TRDN: variants seen among roughly 807,000 people sequenced by gnomAD.
TRDN encodes the protein triadin in skeletal muscle.
TRDN carries 161 observed loss-of-function variants against 149.7 expected under a neutral mutation model. That is an observed-to-expected ratio of 1.08 (90% confidence interval 0.95 to 1.23). The LOEUF (loss-of-function observed/expected upper bound fraction) is 1.23, where lower values mean the gene tolerates loss of function less well. TRDN is among the 50% of genes most tolerant of loss of function. TRDN has a pLI of 0.00. For missense variants in TRDN, 896 were observed against 823.5 expected (o/e 1.09, Z -1.08); for synonymous variants, 294 against 250.5 (o/e 1.17, Z -1.64).
At chr6:123,463,946 C>G (rs1443063480) in intron 10 of TRDN, among the ~76,000 whole-genome samples, 1 of 152,102 alleles carries the variant, frequency 6.6e-6, no homozygotes. Flanking sequence ...AGATCTTGAA[C>G]AAGCAGGCTG....
At chr6:123,587,741 G>T (rs1407940061) in intron 1 of TRDN, among the ~76,000 whole-genome samples, 1 of 151,204 alleles carries the variant, frequency 6.6e-6, no homozygotes, top group Non-Finnish European at 1.5e-5. Flanking sequence ...CTGTTTTATA[G>T]GATTTGGGTA....
At chr6:123,541,801 C>G (rs760471254) in intron 4 of TRDN, among the ~76,000 whole-genome samples, 1 of 151,916 alleles carries the variant, frequency 6.6e-6, no homozygotes, top group East Asian at 1.9e-4. Flanking sequence ...TTTCATGCAC[C>G]GTATTTTTCA....
At chr6:123,411,863 T>A (rs12190077) in intron 12 of TRDN, 57,104 of 151,972 alleles carry the variant, frequency 0.38, 11,205 homozygotes, top group Middle Eastern at 0.48. Flanking sequence ...ACCAAGTAAG[T>A]AAGAGCAGAA....
intron 12 of TRDN, among the ~76,000 whole-genome samples, 162 bp downstream of exon 12, chr6:123,437,901 C>T (rs568803860): frequency 6.6e-5 from 10 of 152,216 alleles, no homozygotes; most frequent in African/African-American, 2.4e-4. Context: ...ATAAAGTCTT[C>T]TTTGCCTGTT....
At chr6:123,517,384 G>A (rs1232468543) in intron 5 of TRDN, among the ~76,000 whole-genome samples, 1 of 151,962 alleles carries the variant, frequency 6.6e-6, no homozygotes, top group Non-Finnish European at 1.5e-5. Flanking sequence ...CTTCTCTTTT[G>A]AACCTTTAGA....
chr6:123,522,779 A>C (rs1478206883), intron 5 of TRDN, among the ~76,000 whole-genome samples: 2 of 152,166 alleles, frequency 1.3e-5, no homozygotes, highest in Non-Finnish European at 2.9e-5. Flanking sequence ...AACAAAACAG[A>C]AGAATACTTC....
At chr6:123,230,977 T>C (rs924052177) in intron 38 of TRDN, among the ~76,000 whole-genome samples, 7 of 152,006 alleles carry the variant, frequency 4.6e-5, no homozygotes, top group South Asian at 4.1e-4. Flanking sequence ...AATACCCTTA[T>C]GAATTATGGG....
chr6:123,303,763 T>C (rs1291442359), intron 24 of TRDN, among the ~76,000 whole-genome samples: 2 of 152,152 alleles, frequency 1.3e-5, no homozygotes, highest in Admixed American at 6.6e-5. Context: ...AGTATGACAA[T>C]GAATGACAGT....
intron 4 of TRDN, among the ~76,000 whole-genome samples, chr6:123,534,306 C>T (rs1780411441): frequency 6.6e-6 from 1 of 152,096 alleles, no homozygotes; most frequent in Non-Finnish European, 1.5e-5. Flanking sequence ...CTCAGGAAGA[C>T]AAAAAATTAT....
chr6:123,626,997 C>T (rs546255478), intron 1 of TRDN, among the ~76,000 whole-genome samples: 124 of 151,738 alleles, frequency 8.2e-4, no homozygotes, highest in African/African-American at 2.9e-3. Flanking sequence ...GGCACGATCT[C>T]GGCTCACTGC....
Position 123,636,821 on chromosome 6 carries a change from T to G in TRDN, c.-46A>C. On this transcript the variant is annotated 5_prime_UTR_variant, in exon 1 of 41. Coordinates refer to ENST00000334268, the MANE Select transcript of TRDN (RefSeq NM_006073.4). ...GTCAGTTGAAAAGTTCCCGTCAAGT[T>G]GCACTTTGCAGAGTATTTGGGGATT... 1.2e-6 allele frequency: 2 copies of G among 1,610,604 alleles called. No homozygotes were observed. Among genetic ancestry groups the G allele is most frequent in the Non-Finnish European group, 1.7e-6 (2 of 1,177,640 alleles).
chr6:123,562,158 T>G (rs1782036423), intron 2 of TRDN, among the ~76,000 whole-genome samples: 1 of 151,694 alleles, frequency 6.6e-6, no homozygotes, highest in African/African-American at 2.4e-5. Context: ...CCCCTGCCCC[T>G]GCCCGCCAGA....
intron 9 of TRDN, among the ~76,000 whole-genome samples, chr6:123,466,628 G>A (rs1776833440): frequency 6.7e-6 from 1 of 148,684 alleles, no homozygotes; most frequent in African/African-American, 2.5e-5. Context: ...GGGTCAAAGG[G>A]ATATATACTT....
chr6:123,237,909 C>G (rs554455334), intron 38 of TRDN, among the ~76,000 whole-genome samples: 1 of 152,148 alleles, frequency 6.6e-6, no homozygotes, highest in South Asian at 2.1e-4. Context: ...ATATATTACA[C>G]AGGAAGAAAT....
chr6:123,272,828 G>A, intron 29 of TRDN, 136 bp downstream of exon 29: 1 of 655,558 alleles, frequency 1.5e-6, no homozygotes, highest in Non-Finnish European at 2.5e-6. Flanking sequence ...GACTAAAATT[G>A]GAGATGGTCT....
chr6:123,393,479 A>G, intron 13 of TRDN, 145 bp downstream of exon 13: 1 of 708,110 alleles, frequency 1.4e-6, no homozygotes. Context: ...AAATACTTGA[A>G]CTGTGTATTT....
intron 12 of TRDN, among the ~76,000 whole-genome samples, chr6:123,436,006 C>A (rs1295786518): frequency 6.6e-6 from 1 of 152,092 alleles, no homozygotes; most frequent in Non-Finnish European, 1.5e-5. Context: ...CACACACATA[C>A]GCATGAGCAC....
Position 123,336,120 on chromosome 6 carries a change from AT to A in TRDN, c.1420+1498del, listed in dbSNP as rs79173054. Among the ~76,000 whole-genome samples, 10 of 151,488 alleles carry A rather than the reference AT, an allele frequency of 6.6e-5. No homozygotes were observed. The South Asian group carries it at 8.3e-4, about 13-fold the overall frequency. On this transcript the variant is annotated intron_variant, in intron 22 of 40. Transcript: ENST00000334268. Reference sequence around the variant, plus strand: ...TGTCCAATGCATCTATGCCAAATAGATTTTTTTTTGTTTTTATAAGGTCTAC... The same window carrying A: ...TGTCCAATGCATCTATGCCAAATAGATTTTTTTTGTTTTTATAAGGTCTAC...
At position 123,621,849 on chromosome 6, in the gene TRDN, TGA is replaced by T. The variant is rs539669106; in HGVS notation, c.22+14903_22+14904del. Among the ~76,000 whole-genome samples, 529 of 152,220 alleles carry T rather than the reference TGA, an allele frequency of 3.5e-3. 2 individuals carry two copies. Among genetic ancestry groups the T allele is most frequent in the African/African-American group, 0.012 (489 of 41,546 alleles). Reference sequence around the variant, plus strand: ...CCTTAATTGGGAAGCGACACCAAAGTGAGAGTCAAAGTATGGATAGATGAATA... The same window carrying T: ...CCTTAATTGGGAAGCGACACCAAAGTGAGTCAAAGTATGGATAGATGAATA... On this transcript the variant is annotated intron_variant, in intron 1 of 40. Coordinates refer to ENST00000334268, the MANE Select transcript of TRDN (RefSeq NM_006073.4).
Sources: gnomAD v4.1 joint callset for allele counts (sites outside exome capture counted in the v4.1 genomes callset) on GRCh38, gnomAD v4.1.1 for gene constraint, MANE v1.5 for transcripts, NCBI Gene and HGNC (gene_info 2026-07-23, HGNC 2026-07-21) for gene names.